Variants in DPP6 observed in about 807,000 individuals in gnomAD.
The protein encoded by DPP6 is A-type potassium channel modulatory protein DPP6.
A neutral mutation model predicts 122.6 loss-of-function variants in DPP6; 69 were observed. The ratio of observed to expected loss-of-function variants is 0.56; its 90% confidence interval spans 0.46 to 0.69. DPP6 has a LOEUF of 0.69. DPP6 is among the 30% of genes least tolerant of loss of function. The pLI, the probability that DPP6 is intolerant of heterozygous loss-of-function variation, is 0.00. For synonymous variants in DPP6, 418 were observed against 433.1 expected (o/e 0.97, Z 0.43); for missense variants, 928 against 1,116.9 (o/e 0.83, Z 2.41).
chr7:154,615,350 G>GGCCA (rs1213658482), intron 5 of DPP6, among the ~76,000 whole-genome samples: 1 of 152,140 alleles, frequency 6.6e-6, no homozygotes, highest in African/African-American at 2.4e-5. Context: ...ATGCTTCATA[G>GGCCA]GCCAGCCCTA....
intron 3 of DPP6, among the ~76,000 whole-genome samples, chr7:154,506,843 A>G (rs542370585): frequency 6.6e-6 from 1 of 152,350 alleles, no homozygotes; most frequent in East Asian, 1.9e-4. Context: ...AAGCGCTATC[A>G]AACATTTCTT....
At chr7:153,825,657 T>C in the DPP6 span, among the ~76,000 whole-genome samples, 3 of 152,298 alleles carry the variant, frequency 2.0e-5, 1 homozygote, top group Middle Eastern at 6.8e-3. Context: ...CCTCCTGGGT[T>C]CAAGTGATTC....
At chr7:154,348,932 G>A (rs1810615470) in intron 1 of DPP6, among the ~76,000 whole-genome samples, 1 of 152,182 alleles carries the variant, frequency 6.6e-6, no homozygotes, top group African/African-American at 2.4e-5. Context: ...AAGGGACTAT[G>A]ACAAGGTTAA....
At chr7:154,179,125 C>T (rs1275440627) in intron 1 of DPP6, among the ~76,000 whole-genome samples, 1 of 152,214 alleles carries the variant, frequency 6.6e-6, no homozygotes, top group African/African-American at 2.4e-5. Flanking sequence ...GGCTGTGGCT[C>T]TGCATAAACT....
chr7:154,668,511 G>T (rs566424867), intron 6 of DPP6, among the ~76,000 whole-genome samples: 3 of 151,910 alleles, frequency 2.0e-5, no homozygotes, highest in South Asian at 4.2e-4. Flanking sequence ...GAGCCACCGC[G>T]CTCAGCCCCA....
At chr7:154,001,771 G>A (rs1400869333) in intron 1 of DPP6, among the ~76,000 whole-genome samples, 2 of 151,834 alleles carry the variant, frequency 1.3e-5, no homozygotes, top group East Asian at 1.9e-4. Flanking sequence ...ATTAATGGGC[G>A]AAATCCCTGT....
intron 1 of DPP6, among the ~76,000 whole-genome samples, chr7:153,975,331 AC>A (rs1225595039): frequency 2.7e-5 from 4 of 148,064 alleles, no homozygotes; most frequent in Non-Finnish European, 6.0e-5. Context: ...TAGAAACAGG[AC>A]CCCCCACCCA....
chr7:154,360,760 G>A (rs1811655623), intron 1 of DPP6, among the ~76,000 whole-genome samples: 1 of 152,170 alleles, frequency 6.6e-6, no homozygotes. Flanking sequence ...TAAGTACAGA[G>A]TTAGTATGGG....
At chr7:154,511,125 A>G (rs1269027594) in intron 3 of DPP6, among the ~76,000 whole-genome samples, 1 of 152,122 alleles carries the variant, frequency 6.6e-6, no homozygotes, top group African/African-American at 2.4e-5. Flanking sequence ...GAAGGGAGGG[A>G]AGATTGTTCA....
At chr7:154,089,139 AGT>A (rs1804634361) in intron 1 of DPP6, among the ~76,000 whole-genome samples, 1 of 152,244 alleles carries the variant, frequency 6.6e-6, no homozygotes. Flanking sequence ...ATTTCTCAAG[AGT>A]GACTCACAAC....
chr7:154,424,218 G>T (rs577422688), intron 1 of DPP6, among the ~76,000 whole-genome samples: 86 of 152,304 alleles, frequency 5.6e-4, no homozygotes, highest in African/African-American at 2.0e-3. Flanking sequence ...TGTCTGTAAA[G>T]AAAGAAAAGT....
chr7:154,515,590 C>T (rs1826423051), intron 3 of DPP6, among the ~76,000 whole-genome samples: 1 of 152,100 alleles, frequency 6.6e-6, no homozygotes, highest in South Asian at 2.1e-4. Flanking sequence ...CTTCTCCTCC[C>T]TCAGCCTCCT....
At chr7:154,284,584 T>C (rs1804730677) in intron 1 of DPP6, among the ~76,000 whole-genome samples, 1 of 152,220 alleles carries the variant, frequency 6.6e-6, no homozygotes, top group South Asian at 2.1e-4. Flanking sequence ...ACTGGGCGCG[T>C]TGGCTTACGC....
At chr7:154,855,655 G>A (rs963753328) in intron 17 of DPP6, among the ~76,000 whole-genome samples, 2 of 152,220 alleles carry the variant, frequency 1.3e-5, no homozygotes, top group African/African-American at 4.8e-5. Context: ...GGCCCTCCAG[G>A]AGGCCGCAGA....
chr7:153,887,088 G>A (rs1018540994), upstream of DPP6: 1 of 152,630 alleles, frequency 6.6e-6, no homozygotes, highest in African/African-American at 2.4e-5. Flanking sequence ...AGGCTTCCCA[G>A]TCCAGCTCAG....
intron 5 of DPP6, among the ~76,000 whole-genome samples, chr7:154,569,622 T>A (rs913651852): frequency 1.1e-4 from 17 of 151,982 alleles, no homozygotes; most frequent in African/African-American, 4.1e-4. Flanking sequence ...AAGACTATCA[T>A]AAAATTGTTT....
intron 3 of DPP6, among the ~76,000 whole-genome samples, chr7:154,510,368 C>G (rs531587483): frequency 6.6e-6 from 1 of 151,978 alleles, no homozygotes; most frequent in Non-Finnish European, 1.5e-5. Context: ...AAAATCATGC[C>G]AAGATGACCA....
Position 154,804,973 on chromosome 7 carries a change from T to G in DPP6, c.1547+9T>G. 6.3e-7 allele frequency: 1 copy of G among 1,592,890 alleles called. No homozygotes were observed. The highest frequency in any genetic ancestry group is 8.6e-7 in the Non-Finnish European group (1 of 1,168,994). ...AGACGACAACTCTACAGGTAACTCC[T>G]GCTCCCCCTGCACACAGGGCTCTCC... On this transcript the variant is annotated intron_variant, in intron 15 of 25. Coordinates refer to ENST00000377770, the MANE Select transcript of DPP6 (RefSeq NM_130797.4).
rs2130194371 is a variant in DPP6 at position 154,536,845 on chromosome 7, T to C, written c.458-3687T>C. Among the ~76,000 whole-genome samples, 2 of 152,298 alleles carry C rather than the reference T, an allele frequency of 1.3e-5. 1 individual carries two copies. The highest frequency in any genetic ancestry group is 3.9e-4 in the East Asian group (2 of 5,190). On this transcript the variant is annotated intron_variant, in intron 3 of 25. Coordinates refer to ENST00000377770, the MANE Select transcript of DPP6 (RefSeq NM_130797.4). ...ACATCTTATAGAGCGAATAATGACCTTCTCAAATTGTACTGCAACAAATAG... is the reference window on the plus strand; with the variant it reads ...ACATCTTATAGAGCGAATAATGACCCTCTCAAATTGTACTGCAACAAATAG...
Sources: allele counts gnomAD v4.1 joint callset (sites outside exome capture counted in the v4.1 genomes callset), GRCh38; gene constraint gnomAD v4.1.1; transcripts MANE v1.5; gene names NCBI Gene and HGNC (gene_info 2026-07-23, HGNC 2026-07-21).